Variants in BRIP1 observed in about 807,000 individuals in gnomAD.
BRIP1 encodes Fanconi anemia group J protein.
Under a neutral mutation model 119.7 loss-of-function variants are expected in BRIP1, and 88 were observed. The ratio of observed to expected loss-of-function variants is 0.74; its 90% CI spans 0.62 to 0.88. The LOEUF is 0.88. Among genes scored for constraint, BRIP1 ranks in the 40% least tolerant of loss-of-function variants. The pLI, the probability that BRIP1 is intolerant of heterozygous loss-of-function variation, is 0.00. For missense variants in BRIP1, 1,259 were observed against 1,455.4 expected, an observed-to-expected ratio of 0.87 and a Z score of 2.20; for synonymous variants, 443 against 496.5, an observed-to-expected ratio of 0.89 and a Z score of 1.43.
Position 61,794,300 on chromosome 17 carries a change from T to C in BRIP1, c.1341-571A>G, listed in dbSNP as rs2077866482. ...ACATTCTACTAAAGGGAGACAGGAA[T>C]AAACATCAAAACAAATACATAAACA... On this transcript the variant is annotated intron_variant, in intron 9 of 19. Coordinates refer to ENST00000259008, the MANE Select transcript of BRIP1 (RefSeq NM_032043.3). The surrounding 1 kb of genome is among the most constrained non-coding windows in gnomAD (Gnocchi z 4.3). Among the ~76,000 whole-genome samples, 1 of 151,944 alleles carries C rather than the reference T, an allele frequency of 6.6e-6. No individual in the cohort carries two copies. The highest frequency in any genetic ancestry group is 2.1e-4 in the South Asian group (1 of 4,824).
chr17:61,863,285 T>A lies in BRIP1; in HGVS notation c.-32A>T. On this transcript the variant is annotated splice_region_variant and 5_prime_UTR_variant, in exon 1 of 20. Coordinates refer to ENST00000259008, the MANE Select transcript of BRIP1 (RefSeq NM_032043.3). ...TCCGTGGACTTCCCTCCGACTTGCC[T>A]GTCTGGAGGGAAACCGAAGCAACGC... 1 of 152,078 alleles carries A rather than the reference T, an allele frequency of 6.6e-6. No individual in the cohort carries two copies. Among genetic ancestry groups the A allele is most frequent in the South Asian group, 2.1e-4 (1 of 4,824 alleles). 9.4% of individuals were successfully genotyped at this position (152,078 alleles called of 1,614,324 possible).
Position 61,805,493 on chromosome 17 carries a change from T to C in BRIP1, c.918+2974A>G, listed in dbSNP as rs909440234. On this transcript the variant is annotated intron_variant, in intron 7 of 19. Transcript: ENST00000259008. The surrounding 1 kb of genome is among the most constrained non-coding windows in gnomAD (Gnocchi z 5.6). ...CCATCTTTGGATTTTGTTTCTAGTG[T>C]AACCAAAATAGCAATGGATGAGGAA... Among the ~76,000 whole-genome samples the C allele has an allele frequency of 3.3e-5, 5 of 152,322 alleles. No homozygotes were observed. Among genetic ancestry groups the C allele is most frequent in the African/African-American group, 1.2e-4 (5 of 41,582 alleles).
At chr17:61,859,987 C>T (rs1283532097) in intron 2 of BRIP1, 80 bp from the exon 3 acceptor site, 4 of 999,076 alleles carry the variant, frequency 4.0e-6, no homozygotes, top group Non-Finnish European at 6.3e-6. Context: ...TTAAATAGAA[C>T]AGCAAGGAAA....
chr17:61,862,238 TAAGA>T lies in BRIP1; in HGVS notation c.-30-673_-30-670del, dbSNP rs1399365524. Among the ~76,000 whole-genome samples, 1 of 152,228 alleles carries T rather than the reference TAAGA, an allele frequency of 6.6e-6. No individual in the cohort carries two copies. Among genetic ancestry groups the T allele is most frequent in the African/African-American group, 2.4e-5 (1 of 41,458 alleles). ...CCCTAATTTAATTTAAAGGCTGTTA[TAAGA>T]AAGAGAATGCCTTGGCACATAGTAG... On this transcript the variant is annotated intron_variant, in intron 1 of 19. Transcript: ENST00000259008. The surrounding 1 kb of genome is among the most constrained non-coding windows in gnomAD (Gnocchi z 5.3).
At position 61,862,323 on chromosome 17, in the gene BRIP1, T is replaced by C. The variant is rs925881719; in HGVS notation, c.-30-754A>G. ...GAGTATTATAGAAACAGGATGGGCT[T>C]TGGAGTAAGGCAATCCTAAGTTTGA... On this transcript the variant is annotated intron_variant, in intron 1 of 19. Transcript: ENST00000259008. The surrounding 1 kb of genome is among the most constrained non-coding windows in gnomAD (Gnocchi z 5.3). Among the ~76,000 whole-genome samples, 2 of 152,228 alleles carry C rather than the reference T, an allele frequency of 1.3e-5. No homozygotes were observed. The highest frequency in any genetic ancestry group is 2.9e-5 in the Non-Finnish European group (2 of 68,036).
chr17:61,839,865 T>C (rs987232338), intron 6 of BRIP1, among the ~76,000 whole-genome samples: 16 of 152,178 alleles, frequency 1.1e-4, no homozygotes, highest in African/African-American at 3.9e-4. Flanking sequence ...TATACAATTA[T>C]AGATACAGCT....
At position 61,705,924 on chromosome 17, in the gene BRIP1, T is replaced by C. The variant is rs2061684034; in HGVS notation, c.2492+10027A>G. On this transcript the variant is annotated intron_variant, in intron 17 of 19. Coordinates refer to ENST00000259008, the MANE Select transcript of BRIP1 (RefSeq NM_032043.3). The surrounding 1 kb of genome is among the most constrained non-coding windows in gnomAD (Gnocchi z 5.0). ...ATTCCATTACAGTCAGAGAACATAC[T>C]GGACTTGAGTTGGCTAATAATGTTG... 6.6e-6 allele frequency among the ~76,000 whole-genome samples: 1 copy of C among 152,206 alleles called. No homozygotes were observed. Among genetic ancestry groups the C allele is most frequent in the Non-Finnish European group, 1.5e-5 (1 of 68,004 alleles).
Position 61,695,256 on chromosome 17 carries a change from TTTGAG to T in BRIP1, c.2493-1749_2493-1745del, listed in dbSNP as rs1017951807. Among the ~76,000 whole-genome samples, 5 of 152,260 alleles carry T rather than the reference TTTGAG, an allele frequency of 3.3e-5. No homozygotes were observed. Among genetic ancestry groups the T allele is most frequent in the African/African-American group, 9.6e-5 (4 of 41,584 alleles). Reference sequence around the variant, plus strand: ...CATCTGTTGAAAAGACTATTCTTTCTTTGAGTTGTCTTGGCACTCTTGTCAAAAAC... The same window carrying T: ...CATCTGTTGAAAAGACTATTCTTTCTTTGTCTTGGCACTCTTGTCAAAAAC... On this transcript the variant is annotated intron_variant, in intron 17 of 19. Coordinates refer to ENST00000259008, the MANE Select transcript of BRIP1 (RefSeq NM_032043.3). This position sits in a 1 kb window ranked among gnomAD's most constrained non-coding sequence, Gnocchi z 4.3.
rs1467356865 is a variant in BRIP1 at position 61,691,122 on chromosome 17, A to G, written c.2575+2308T>C. Among the ~76,000 whole-genome samples, 1 of 152,032 alleles carries G rather than the reference A, an allele frequency of 6.6e-6. No homozygotes were observed. Among genetic ancestry groups the G allele is most frequent in the Non-Finnish European group, 1.5e-5 (1 of 68,008 alleles). On this transcript the variant is annotated intron_variant, in intron 18 of 19. Transcript: ENST00000259008. This position sits in a 1 kb window ranked among gnomAD's most constrained non-coding sequence, Gnocchi z 5.0. ...GAGGGGGGAGGGATAGCATTAGGAGATATACCTAATGTAAACGACAAGTTA... is the reference window on the plus strand; with the variant it reads ...GAGGGGGGAGGGATAGCATTAGGAGGTATACCTAATGTAAACGACAAGTTA...
At position 61,780,906 on chromosome 17, in the gene BRIP1, AT is replaced by A; in HGVS notation, c.1727del (p.Asn576IlefsTer14). On this transcript the variant is annotated frameshift_variant, in exon 12 of 20. Transcript: ENST00000259008. LOFTEE classifies it high-confidence loss of function. The surrounding 1 kb of genome is among the most constrained non-coding windows in gnomAD (Gnocchi z 5.4). ...DKNGLLVLPKNKKRSRQKTAV... is the reference protein window; with the variant it reads ...DKNGLLVLPKXKKRSRQKTAV... The stretch of plus-strand genomic sequence containing the variant: ...CAGTTTTCTGTCGTGAACGTTTCTT[AT>A]TTTTTGGTAGAACCAACAACCCATT... 6.2e-7 allele frequency: 1 copy of A among 1,614,144 alleles called. No homozygotes were observed. The highest frequency in any genetic ancestry group is 8.5e-7 in the Non-Finnish European group (1 of 1,180,008).
Position 61,711,607 on chromosome 17 carries a change from G to A in BRIP1, c.2492+4344C>T, listed in dbSNP as rs186882198. On this transcript the variant is annotated intron_variant, in intron 17 of 19. Coordinates refer to ENST00000259008, the MANE Select transcript of BRIP1 (RefSeq NM_032043.3). ...GGAGTGGCTGGGTGTGGTGGCTCAC[G>A]CCTGTAATCTTAACACTTTGGGAGC... 2.1e-4 allele frequency among the ~76,000 whole-genome samples: 32 copies of A among 152,178 alleles called. No homozygotes were observed. The East Asian group carries it at 5.6e-3, about 27-fold the overall frequency.
intron 17 of BRIP1, among the ~76,000 whole-genome samples, chr17:61,696,902 C>T (rs563023052): frequency 8.5e-5 from 12 of 140,626 alleles, no homozygotes; most frequent in Admixed American, 7.7e-4. Flanking sequence ...AGGAGAATGG[C>T]GTGAACCTGG....
In BRIP1 at chr17:61,768,981, T is replaced by G. The variant is rs1334467630; in HGVS notation, c.2097+7420A>C. Among the ~76,000 whole-genome samples the G allele has an allele frequency of 6.6e-6, 1 of 151,818 alleles. No homozygotes were observed. Among genetic ancestry groups the G allele is most frequent in the Admixed American group, 6.6e-5 (1 of 15,248 alleles). On this transcript the variant is annotated intron_variant, in intron 14 of 19. Transcript: ENST00000259008. The surrounding 1 kb of genome is among the most constrained non-coding windows in gnomAD (Gnocchi z 5.0). ...TAGTAGTAGTAATAAGCTGCCACGT[T>G]GTTGAGAGGGCGATATGACTAGGAC... is the stretch of plus-strand genomic sequence containing the variant.
intron 6 of BRIP1, among the ~76,000 whole-genome samples, chr17:61,840,018 G>A (rs895770385): frequency 3.9e-5 from 6 of 151,978 alleles, no homozygotes; most frequent in South Asian, 2.1e-4. Context: ...ATGGTCAAGC[G>A]GTTTAGACTC....
At position 61,705,289 on chromosome 17, in the gene BRIP1, G is replaced by A. The variant is rs956490450; in HGVS notation, c.2492+10662C>T. On this transcript the variant is annotated intron_variant, in intron 17 of 19. Coordinates refer to ENST00000259008, the MANE Select transcript of BRIP1 (RefSeq NM_032043.3). This position sits in a 1 kb window ranked among gnomAD's most constrained non-coding sequence, Gnocchi z 5.0. ...ATGATTTCATTCTTTTTTAATGGCT[G>A]TGCAGTATTCCACGGTGTATATGTA... is the stretch of plus-strand genomic sequence containing the variant. 1.3e-5 allele frequency among the ~76,000 whole-genome samples: 2 copies of A among 152,124 alleles called. No individual in the cohort carries two copies. Among genetic ancestry groups the A allele is most frequent in the South Asian group, 2.1e-4 (1 of 4,832 alleles).
At position 61,716,884 on chromosome 17, in the gene BRIP1, C is replaced by A. The variant is rs1458545345; in HGVS notation, c.2380-821G>T. Among the ~76,000 whole-genome samples, 4 of 37,582 alleles carry A rather than the reference C, an allele frequency of 1.1e-4. No individual in the cohort carries two copies. The East Asian group carries it at 3.0e-3, about 28-fold the overall frequency. The allele number at this position is 37,582 out of a possible 152,430, so 24.7% of individuals were successfully genotyped here. A position where few individuals can be genotyped will look rare whatever the true frequency, so the allele number is the denominator to read the frequency against. The stretch of plus-strand genomic sequence containing the variant: ...TGACTCCTCTAGGGTTTATGATATA[C>A]ATCCTTATTAGTCTACCTTAAAATA... On this transcript the variant is annotated intron_variant, in intron 16 of 19. Transcript: ENST00000259008.
At chr17:61,715,469 A>G (rs2061845500) in intron 17 of BRIP1, among the ~76,000 whole-genome samples, 1 of 152,104 alleles carries the variant, frequency 6.6e-6, no homozygotes, top group African/African-American at 2.4e-5. Flanking sequence ...TTTTGTTTCT[A>G]TTTGATGATA....
At chr17:61,737,240 T>G (rs2076930615) in intron 16 of BRIP1, among the ~76,000 whole-genome samples, 1 of 152,162 alleles carries the variant, frequency 6.6e-6, no homozygotes, top group Non-Finnish European at 1.5e-5. Flanking sequence ...TTACTTTAAA[T>G]GTAAATGGTT....
rs2061947507 is a variant in BRIP1 at position 61,720,017 on chromosome 17, A to G, written c.2380-3954T>C. ...CCAATTTTTTTCTTTTTTAATTTTTATAGAGATGGATTCTTGCTATGTTGC... is the reference window on the plus strand; with the variant it reads ...CCAATTTTTTTCTTTTTTAATTTTTGTAGAGATGGATTCTTGCTATGTTGC... On this transcript the variant is annotated intron_variant, in intron 16 of 19. Transcript: ENST00000259008. The surrounding 1 kb of genome is among the most constrained non-coding windows in gnomAD (Gnocchi z 4.3). Among the ~76,000 whole-genome samples the G allele has an allele frequency of 1.3e-5, 2 of 151,908 alleles. No individual in the cohort carries two copies. Among genetic ancestry groups the G allele is most frequent in the Admixed American group, 6.6e-5 (1 of 15,242 alleles).
Sources: gnomAD v4.1 joint callset for allele counts (sites outside exome capture counted in the v4.1 genomes callset) on GRCh38, gnomAD v4.1.1 for gene constraint, Gnocchi (gnomAD v3.1) non-coding constraint, MANE v1.5 for transcripts, NCBI Gene and HGNC (gene_info 2026-07-23, HGNC 2026-07-21) for gene names.